The following ATAD1 variants were observed in gnomAD, a reference collection of about 807,000 sequenced individuals.
ATAD1 encodes outer mitochondrial transmembrane helix translocase.
In ATAD1, 18 loss-of-function variants were observed where a neutral mutation model predicts 42.7. That is an observed-to-expected ratio of 0.42 (90% confidence interval 0.29 to 0.63). ATAD1 has a LOEUF of 0.63. ATAD1 is among the 20% of genes least tolerant of loss of function. The pLI is 0.19. For synonymous variants in ATAD1, 132 were observed against 143.1 expected (o/e 0.92, Z 0.55); for missense variants, 294 against 440.4 (o/e 0.67, Z 2.98).
At chr10:87,778,300 T>A (rs1477895782) in intron 5 of ATAD1, among the ~76,000 whole-genome samples, 1 of 150,346 alleles carries the variant, frequency 6.7e-6, no homozygotes, top group Non-Finnish European at 1.5e-5. Context: ...TTTAAACAAC[T>A]ATATGCTTGC....
At chr10:87,814,412 A>T in intron 2 of ATAD1, 26 bp downstream of exon 2, 1 of 1,536,042 alleles carries the variant, frequency 6.5e-7, no homozygotes. Flanking sequence ...CACAAGAAAA[A>T]TGATCTTCAA....
At chr10:87,838,255 G>A (rs1188931262) in intron 1 of ATAD1, among the ~76,000 whole-genome samples, 1 of 151,996 alleles carries the variant, frequency 6.6e-6, no homozygotes, top group African/African-American at 2.4e-5. Context: ...GGCTGGGCGC[G>A]GTGGCTCACG....
At position 87,818,221 on chromosome 10, in the gene ATAD1, A is replaced by T. The variant is rs1857525458; in HGVS notation, c.-68T>A. On this transcript the variant is annotated 5_prime_UTR_variant, in exon 1 of 10. Coordinates refer to ENST00000680024, the MANE Select transcript of ATAD1 (RefSeq NM_001321967.2). Reference sequence around the variant, plus strand: ...CCTCAGCCGGCCTCACACAGGAAGGAAACGCAACCTGGGAGAGAACGCTTC... The same window carrying T: ...CCTCAGCCGGCCTCACACAGGAAGGTAACGCAACCTGGGAGAGAACGCTTC... The T allele has an allele frequency of 1.0e-6, 1 of 985,544 alleles. No individual in the cohort carries two copies. Among genetic ancestry groups the T allele is most frequent in the Non-Finnish European group, 1.2e-6 (1 of 830,000 alleles). 61.0% of individuals were successfully genotyped at this position (985,544 alleles called of 1,614,324 possible).
intron 1 of ATAD1, chr10:87,817,830 T>A (rs1161708963): frequency 2.0e-6 from 2 of 985,364 alleles, no homozygotes; most frequent in East Asian, 2.3e-4. Context: ...TAGGTTCGCC[T>A]GGTTCTGAAG....
chr10:87,769,861 T>G (rs1361958907), intron 7 of ATAD1, among the ~76,000 whole-genome samples: 1 of 152,122 alleles, frequency 6.6e-6, no homozygotes, highest in African/African-American at 2.4e-5. Flanking sequence ...CGGGCTCGCT[T>G]TAACCTGGGA....
chr10:87,778,275 C>CA (rs1160830746), intron 5 of ATAD1, among the ~76,000 whole-genome samples: 3 of 148,224 alleles, frequency 2.0e-5, no homozygotes, highest in African/African-American at 2.5e-5. Context: ...CTCCTCTATT[C>CA]AAAAAAAAAT....
intron 2 of ATAD1, among the ~76,000 whole-genome samples, chr10:87,802,273 G>A (rs1291479155): frequency 1.4e-5 from 2 of 139,964 alleles, no homozygotes; most frequent in African/African-American, 2.7e-5. Context: ...AGCCCCTTGG[G>A]AAAACTGGCT....
intron 5 of ATAD1, among the ~76,000 whole-genome samples, chr10:87,778,550 T>G (rs893772317): frequency 6.6e-6 from 1 of 152,178 alleles, no homozygotes; most frequent in Non-Finnish European, 1.5e-5. Context: ...GGTAATTTAA[T>G]ACAGTATTTT....
intron 2 of ATAD1, among the ~76,000 whole-genome samples, chr10:87,792,981 A>G (rs1856200692): frequency 6.6e-6 from 1 of 152,166 alleles, no homozygotes; most frequent in South Asian, 2.1e-4. Context: ...CTTTCAGGAA[A>G]TGAGAAAATA....
intron 9 of ATAD1, among the ~76,000 whole-genome samples, chr10:87,755,881 A>C (rs1854198860): frequency 6.6e-6 from 1 of 152,140 alleles, no homozygotes; most frequent in African/African-American, 2.4e-5. Context: ...CAGCCTGGGC[A>C]AAAGAGCGAA....
intron 4 of ATAD1, among the ~76,000 whole-genome samples, chr10:87,786,791 C>A (rs1346269853): frequency 1.3e-5 from 2 of 151,966 alleles, no homozygotes; most frequent in Non-Finnish European, 2.9e-5. Flanking sequence ...CCCGACTCTA[C>A]CAAAATATAA....
chr10:87,790,238 T>C (rs2131920623), intron 4 of ATAD1, 72 bp downstream of exon 4: 1 of 1,556,118 alleles, frequency 6.4e-7, no homozygotes, highest in Admixed American at 2.1e-5. Context: ...AAAAACTAGT[T>C]CTACAATGGC....
intron 1 of ATAD1, among the ~76,000 whole-genome samples, chr10:87,834,701 T>C (rs545039592): frequency 6.6e-6 from 1 of 152,126 alleles, no homozygotes; most frequent in Non-Finnish European, 1.5e-5. Context: ...TCATTGGTCT[T>C]AAAGAACCAG....
intron 2 of ATAD1, among the ~76,000 whole-genome samples, chr10:87,809,630 T>G (rs1398184534): frequency 6.6e-6 from 1 of 151,178 alleles, no homozygotes; most frequent in African/African-American, 2.4e-5. Flanking sequence ...CTAATTTTTT[T>G]TATTTATTAA....
intron 8 of ATAD1, 30 bp from the exon 9 acceptor site, chr10:87,756,952 A>C (rs745395887): frequency 1.0e-4 from 157 of 1,551,658 alleles, no homozygotes; most frequent in Non-Finnish European, 1.2e-4. Flanking sequence ...ATGCTTAAAA[A>C]ACAAAAATAA....
At chr10:87,802,642 C>A (rs529194607) in intron 2 of ATAD1, among the ~76,000 whole-genome samples, 15 of 136,584 alleles carry the variant, frequency 1.1e-4, no homozygotes, top group African/African-American at 2.8e-4. Context: ...GACTATGTCA[C>A]GAAAAAAAAA....
chr10:87,802,589 C>G (rs1222349553), intron 2 of ATAD1, among the ~76,000 whole-genome samples: 2 of 151,038 alleles, frequency 1.3e-5, no homozygotes, highest in African/African-American at 4.9e-5. Context: ...GCAGATCACC[C>G]CCGAGATCCC....
chr10:87,785,371 A>G (rs1009554459), intron 4 of ATAD1, among the ~76,000 whole-genome samples: 1 of 149,608 alleles, frequency 6.7e-6, no homozygotes, highest in African/African-American at 2.4e-5. Context: ...TAATAATATT[A>G]AATATATAAT....
At chr10:87,771,385 T>C (rs112901041) in intron 6 of ATAD1, among the ~76,000 whole-genome samples, 2 of 152,266 alleles carry the variant, frequency 1.3e-5, no homozygotes, top group African/African-American at 4.8e-5. Flanking sequence ...AATGAATACA[T>C]GTTGAATGAC....
Sources: allele counts gnomAD v4.1 joint callset (sites outside exome capture counted in the v4.1 genomes callset), GRCh38; gene constraint gnomAD v4.1.1; transcripts MANE v1.5; gene names NCBI Gene and HGNC (gene_info 2026-07-23, HGNC 2026-07-21).